The following NAALADL2 variants were observed in gnomAD, a reference collection of about 807,000 sequenced individuals.
NAALADL2 encodes N-acetylated alpha-linked acidic dipeptidase like 2, also known as inactive N-acetylated-alpha-linked acidic dipeptidase-like protein 2.
A neutral mutation model predicts 87.2 loss-of-function variants in NAALADL2; 76 were observed. The observed-to-expected ratio is 0.87, with a 90% CI of 0.72 to 1.05. NAALADL2 has a LOEUF of 1.05. NAALADL2 is among the 50% of genes least tolerant of loss of function. The pLI is 0.00. For missense variants in NAALADL2, 1,089 were observed against 945.8 expected, an observed-to-expected ratio of 1.15 and a Z score of -1.99; for synonymous variants, 354 against 331.0, an observed-to-expected ratio of 1.07 and a Z score of -0.75.
At chr3:175,744,465 G>A (rs775735835) in intron 12 of NAALADL2, among the ~76,000 whole-genome samples, 1 of 152,180 alleles carries the variant, frequency 6.6e-6, no homozygotes, top group Admixed American at 6.5e-5. Context: ...GGTGAGGCCA[G>A]ACTTGAGATG....
At chr3:174,926,357 G>A (rs1282407749) in intron 1 of NAALADL2, among the ~76,000 whole-genome samples, 15 of 152,044 alleles carry the variant, frequency 9.9e-5, no homozygotes, top group Admixed American at 2.0e-4. Context: ...TACAGAGAAC[G>A]CCACAAAGAT....
intron 9 of NAALADL2, among the ~76,000 whole-genome samples, chr3:175,501,599 TCA>T (rs1729557225): frequency 6.6e-6 from 1 of 152,086 alleles, no homozygotes; most frequent in Non-Finnish European, 1.5e-5. Flanking sequence ...GGTAATCACC[TCA>T]CACAGTTTTG....
At chr3:174,815,574 G>A (rs1312554477) in intron 3 of NAALADL2, among the ~76,000 whole-genome samples, 2 of 152,090 alleles carry the variant, frequency 1.3e-5, no homozygotes, top group Non-Finnish European at 2.9e-5. Flanking sequence ...GACTACAGAA[G>A]CCTGCCATCA....
chr3:175,462,453 G>A (rs1723288954), intron 6 of NAALADL2, among the ~76,000 whole-genome samples: 1 of 152,116 alleles, frequency 6.6e-6, no homozygotes. Flanking sequence ...TACCTTGAGG[G>A]AAAGAAGTAA....
At chr3:175,612,237 A>G (rs1370850078) in intron 10 of NAALADL2, among the ~76,000 whole-genome samples, 2 of 152,192 alleles carry the variant, frequency 1.3e-5, no homozygotes. Context: ...AGGGAAGGAC[A>G]GTTGGGACAG....
At chr3:175,236,544 T>C (rs1745905092) in intron 3 of NAALADL2, among the ~76,000 whole-genome samples, 2 of 126,038 alleles carry the variant, frequency 1.6e-5, no homozygotes, top group Admixed American at 7.8e-5. Context: ...GTGAAACTCC[T>C]TCTCAAAAAA....
At chr3:175,291,255 A>G (rs1243935499) in intron 4 of NAALADL2, among the ~76,000 whole-genome samples, 2 of 152,170 alleles carry the variant, frequency 1.3e-5, no homozygotes, top group Admixed American at 6.5e-5. Context: ...AATGTTTAAG[A>G]GTTCACTGAA....
At chr3:175,522,760 C>CA (rs1553915704) in intron 9 of NAALADL2, among the ~76,000 whole-genome samples, 5 of 152,106 alleles carry the variant, frequency 3.3e-5, no homozygotes, top group Non-Finnish European at 5.9e-5. Flanking sequence ...GCTTTCTCCA[C>CA]AAAAAAGTAA....
intron 1 of NAALADL2, among the ~76,000 whole-genome samples, chr3:174,990,600 T>C (rs1746595570): frequency 6.6e-6 from 1 of 152,052 alleles, no homozygotes; most frequent in African/African-American, 2.4e-5. Context: ...GAGGAACTTT[T>C]CAAAAGTCGA....
chr3:175,532,546 G>A (rs1734219090), intron 9 of NAALADL2, among the ~76,000 whole-genome samples: 1 of 152,154 alleles, frequency 6.6e-6, no homozygotes, highest in Non-Finnish European at 1.5e-5. Flanking sequence ...GAAGTTTTCT[G>A]CTTACATATA....
intron 2 of NAALADL2, among the ~76,000 whole-genome samples, chr3:174,561,861 T>G (rs992411983): frequency 5.3e-5 from 8 of 152,206 alleles, no homozygotes; most frequent in African/African-American, 1.9e-4. Context: ...TGCTGACATT[T>G]TCTCTTTAAT....
intron 11 of NAALADL2, among the ~76,000 whole-genome samples, chr3:175,690,689 GGAA>G (rs2149914831): frequency 6.6e-6 from 1 of 152,058 alleles, no homozygotes; most frequent in South Asian, 2.1e-4. Context: ...TGAGTGTTTA[GGAA>G]CCTTTAGAAT....
rs538980449 is a variant in NAALADL2, at chr3:174,840,776, G to C, written c.-9+103030G>C. On this transcript the variant is annotated intron_variant, in intron 3 of 3. Transcript: ENST00000434257. ...TTTATTTTCTCATTTTGTAAATCTGGCCACCGTAGGAAAGACAGCAGCCAT... is the reference window on the plus strand; with the variant it reads ...TTTATTTTCTCATTTTGTAAATCTGCCCACCGTAGGAAAGACAGCAGCCAT... Among the ~76,000 whole-genome samples, 3 of 151,924 alleles carry C rather than the reference G, an allele frequency of 2.0e-5. No individual in the cohort carries two copies. In the South Asian group the frequency reaches 6.2e-4, roughly 32 times the overall value.
At chr3:174,793,807 C>CT (rs756300484) in intron 3 of NAALADL2, among the ~76,000 whole-genome samples, 3,833 of 144,844 alleles carry the variant, frequency 0.026, 172 homozygotes, top group African/African-American at 0.087. Flanking sequence ...TCCCCAGTTT[C>CT]TTTTTTTTTT....
chr3:175,629,235 A>T (rs1027381731), intron 11 of NAALADL2, among the ~76,000 whole-genome samples: 1 of 148,696 alleles, frequency 6.7e-6, no homozygotes, highest in African/African-American at 2.5e-5. Flanking sequence ...ATATATATTC[A>T]TAAACATATA....
At chr3:175,466,689 G>A (rs1296698401) in intron 7 of NAALADL2, among the ~76,000 whole-genome samples, 1 of 151,968 alleles carries the variant, frequency 6.6e-6, no homozygotes, top group Non-Finnish European at 1.5e-5. Context: ...GTTAGATAAG[G>A]GTTTCACTGT....
chr3:174,996,387 C>T (rs541459982), intron 1 of NAALADL2, among the ~76,000 whole-genome samples: 3 of 151,658 alleles, frequency 2.0e-5, no homozygotes, highest in Middle Eastern at 3.4e-3. Flanking sequence ...GTCTCAGCTA[C>T]TCGGGAGGCT....
chr3:174,519,308 TGAATGAATGAAGATTTCC>T (rs1720120364), intron 1 of NAALADL2, among the ~76,000 whole-genome samples: 2 of 149,702 alleles, frequency 1.3e-5, no homozygotes, highest in African/African-American at 5.0e-5. Context: ...TTGAAACAAG[TGAATGAATGAAGATTTCC>T]TTTTTTTTTT....
chr3:174,510,320 TA>T lies in NAALADL2; in HGVS notation c.-183-40248del, dbSNP rs766328627. Reference sequence around the variant, plus strand: ...TGTTGAATCAATTTATTTTTATTTTTATTTTTTTTGCTTAAACGTTTGATAC... The same window carrying T: ...TGTTGAATCAATTTATTTTTATTTTTTTTTTTTTGCTTAAACGTTTGATAC... On this transcript the variant is annotated intron_variant, in intron 1 of 3. Coordinates refer to the NAALADL2 transcript ENST00000434257. 3.9e-5 allele frequency among the ~76,000 whole-genome samples: 6 copies of T among 152,080 alleles called. No homozygotes were observed. In the East Asian group the frequency reaches 5.8e-4, roughly 15 times the overall value.
Sources: allele counts gnomAD v4.1 joint callset (sites outside exome capture counted in the v4.1 genomes callset), GRCh38; gene constraint gnomAD v4.1.1; transcripts MANE v1.5; gene names NCBI Gene and HGNC (gene_info 2026-07-23, HGNC 2026-07-21).